The following SGCD variants were observed in gnomAD, a reference collection of about 807,000 sequenced individuals.
SGCD encodes the protein sarcoglycan delta.
Under a neutral mutation model 36.6 loss-of-function variants are expected in SGCD, and 18 were observed. That is an observed-to-expected ratio of 0.49 (90% CI 0.34 to 0.73). The LOEUF (loss-of-function observed/expected upper bound fraction) is 0.73. SGCD is among the 30% of genes least tolerant of loss of function. The probability of loss-of-function intolerance (pLI) is 0.01; values close to 1 mark genes in which losing one functional copy is unlikely to be tolerated. For synonymous variants in SGCD, 133 were observed against 130.6 expected (o/e 1.02, Z -0.12); for missense variants, 387 against 346.7 (o/e 1.12, Z -0.92).
intron 7 of SGCD, among the ~76,000 whole-genome samples, chr5:156,713,409 TCG>T: frequency 7.7e-6 from 1 of 129,384 alleles, no homozygotes; most frequent in South Asian, 2.8e-4. Flanking sequence ...TTTGAACATG[TCG>T]GGGGGGGCGT....
At chr5:155,906,054 G>A (rs1756504542) in intron 1 of SGCD, among the ~76,000 whole-genome samples, 3 of 152,126 alleles carry the variant, frequency 2.0e-5, no homozygotes, top group South Asian at 2.1e-4. Flanking sequence ...TGGGCTGTGA[G>A]TCACATTTTG....
chr5:156,663,046 C>T (rs201096200), intron 7 of SGCD, among the ~76,000 whole-genome samples: 815 of 109,168 alleles, frequency 7.5e-3, no homozygotes, highest in Middle Eastern at 8.9e-3. Context: ...CTTCATTTTT[C>T]CCTAGTCCCT....
At chr5:156,001,478 C>T (rs918662912) in intron 1 of SGCD, among the ~76,000 whole-genome samples, 2 of 152,180 alleles carry the variant, frequency 1.3e-5, no homozygotes, top group Admixed American at 6.5e-5. Context: ...TTTGCTCTCA[C>T]GTTGTGGATA....
At chr5:155,974,698 C>T (rs1432332273) in intron 1 of SGCD, among the ~76,000 whole-genome samples, 1 of 151,970 alleles carries the variant, frequency 6.6e-6, no homozygotes, top group East Asian at 2.0e-4. Context: ...ATTTTGGAGG[C>T]TTTAGAGCAG....
intron 3 of SGCD, among the ~76,000 whole-genome samples, chr5:156,436,614 G>A (rs778233159): frequency 5.9e-5 from 9 of 152,212 alleles, no homozygotes; most frequent in East Asian, 3.8e-4. Context: ...TACAAAGCAC[G>A]TTAATGACAG....
At chr5:155,886,100 G>A (rs244981) in intron 1 of SGCD, among the ~76,000 whole-genome samples, 1,860 of 152,236 alleles carry the variant, frequency 0.012, 24 homozygotes, top group Non-Finnish European at 0.017. Flanking sequence ...TTGCATTTGT[G>A]CAAAATTATT....
At chr5:155,887,685 G>A (rs1756040254) in intron 1 of SGCD, among the ~76,000 whole-genome samples, 1 of 152,138 alleles carries the variant, frequency 6.6e-6, no homozygotes, top group Non-Finnish European at 1.5e-5. Context: ...CTGGTATGTG[G>A]TAAACTCTCA....
At chr5:156,723,469 C>T (rs1755613508) in intron 7 of SGCD, among the ~76,000 whole-genome samples, 1 of 152,230 alleles carries the variant, frequency 6.6e-6, no homozygotes, top group Middle Eastern at 3.2e-3. Flanking sequence ...AAACATTCCT[C>T]TCTTTGTGCA....
intron 3 of SGCD, among the ~76,000 whole-genome samples, chr5:156,282,946 C>G (rs560677427): frequency 5.3e-5 from 8 of 152,204 alleles, no homozygotes; most frequent in African/African-American, 1.9e-4. Context: ...TTGATGATTT[C>G]TATACAAGAA....
At chr5:156,706,537 T>C (rs1461952186) in intron 7 of SGCD, among the ~76,000 whole-genome samples, 1 of 152,070 alleles carries the variant, frequency 6.6e-6, no homozygotes, top group Admixed American at 6.6e-5. Context: ...TCCTGTGTCA[T>C]ACTCAGAGGC....
chr5:156,287,453 GA>G (rs1393677039), intron 3 of SGCD, among the ~76,000 whole-genome samples: 3 of 152,242 alleles, frequency 2.0e-5, no homozygotes, highest in Middle Eastern at 3.4e-3. Context: ...GAGAAAAAAT[GA>G]GGACTAAAAT....
chr5:155,957,370 G>A (rs902671989), intron 1 of SGCD, among the ~76,000 whole-genome samples: 2 of 152,040 alleles, frequency 1.3e-5, no homozygotes, highest in African/African-American at 4.8e-5. Context: ...TCTCCTTAGT[G>A]GCAGCCAATA....
chr5:155,756,996 G>A, the SGCD span, among the ~76,000 whole-genome samples: 3 of 152,172 alleles, frequency 2.0e-5, no homozygotes, highest in African/African-American at 4.8e-5. Flanking sequence ...AGGTATTCAC[G>A]GTAAGCAGTG....
chr5:155,774,646 A>G, the SGCD span, among the ~76,000 whole-genome samples: 2 of 151,724 alleles, frequency 1.3e-5, no homozygotes, highest in African/African-American at 4.8e-5. Context: ...CATCACTCCA[A>G]TCTCTGCTTC....
At chr5:156,176,515 A>G (rs1356861079) in intron 3 of SGCD, among the ~76,000 whole-genome samples, 3 of 152,144 alleles carry the variant, frequency 2.0e-5, no homozygotes, top group Non-Finnish European at 4.4e-5. Context: ...CCTAATTTCT[A>G]TCTAGTTTCA....
At chr5:155,999,862 C>G (rs1758628005) in intron 1 of SGCD, among the ~76,000 whole-genome samples, 1 of 152,238 alleles carries the variant, frequency 6.6e-6, no homozygotes, top group African/African-American at 2.4e-5. Context: ...TAACCAGGCT[C>G]TTTCTTAACT....
chr5:156,037,191 T>A (rs2127577308), intron 1 of SGCD, among the ~76,000 whole-genome samples: 1 of 152,332 alleles, frequency 6.6e-6, no homozygotes, highest in East Asian at 1.9e-4. Context: ...TAAAAGTAGA[T>A]GACGGAGGAC....
chr5:156,691,986 A>G (rs281056), intron 7 of SGCD, among the ~76,000 whole-genome samples: 130,833 of 152,184 alleles, frequency 0.86, 56,319 homozygotes, highest in Admixed American at 0.9. Context: ...CATGATGAAA[A>G]GGAAATTTTG....
At chr5:156,140,808 TAAG>T (rs1762562567) in intron 3 of SGCD, among the ~76,000 whole-genome samples, 1 of 152,274 alleles carries the variant, frequency 6.6e-6, no homozygotes, top group African/African-American at 2.4e-5. Context: ...GACCCTTTGA[TAAG>T]AAGATTAGTA....
Sources: gnomAD v4.1 joint callset for allele counts (sites outside exome capture counted in the v4.1 genomes callset) on GRCh38, gnomAD v4.1.1 for gene constraint, MANE v1.5 for transcripts, NCBI Gene and HGNC (gene_info 2026-07-23, HGNC 2026-07-21) for gene names.